The following CPPED1 variants were observed in gnomAD, a reference collection of about 807,000 sequenced individuals.
CPPED1 encodes calcineurin like phosphoesterase domain containing 1, also known as serine/threonine-protein phosphatase CPPED1.
A neutral mutation model predicts 28.0 loss-of-function variants in CPPED1; 28 were observed. The ratio of observed to expected loss-of-function variants is 1.00; its 90% CI spans 0.74 to 1.37. The LOEUF (loss-of-function observed/expected upper bound fraction) is 1.37. Among genes scored for constraint, CPPED1 ranks in the 40% most tolerant of loss-of-function variants. The pLI, the probability that CPPED1 is intolerant of heterozygous loss-of-function variation, is 0.00. For synonymous variants in CPPED1, 198 were observed against 180.2 expected, an observed-to-expected ratio of 1.10 and a Z score of -0.79; for missense variants, 504 against 416.5, an observed-to-expected ratio of 1.21 and a Z score of -1.83.
At chr16:12,724,679 C>A (rs761004600) in intron 2 of CPPED1, among the ~76,000 whole-genome samples, 42 of 152,222 alleles carry the variant, frequency 2.8e-4, no homozygotes, top group Non-Finnish European at 1.8e-4. Context: ...AAGACTAATT[C>A]TGCAACAGAA....
rs114024579 is a variant in CPPED1, at chr16:12,714,147, G to C, written c.290-9098C>G. 3.5e-3 allele frequency among the ~76,000 whole-genome samples: 539 copies of C among 152,244 alleles called. 4 individuals carry two copies. The highest frequency in any genetic ancestry group is 0.012 in the African/African-American group (512 of 41,538). ...ATTGCTGAATACTATTCTACTGTAT[G>C]AATATATCATCATATTTTGTTTATC... On this transcript the variant is annotated intron_variant, in intron 2 of 3. Transcript: ENST00000381774.
intron 1 of CPPED1, among the ~76,000 whole-genome samples, chr16:12,784,428 G>A (rs994424748): frequency 3.3e-5 from 5 of 151,966 alleles, no homozygotes; most frequent in African/African-American, 9.7e-5. Context: ...ATACATATTT[G>A]CTTTTTAAGC....
At position 12,782,560 on chromosome 16, in the gene CPPED1, T is replaced by C. The variant is rs113262752; in HGVS notation, c.71-1157A>G. Reference sequence around the variant, plus strand: ...ACCTTGAGGCTGTTTTTTTTTTTTTTTTCATAATTTAATGTATGGCCAGGT... The same window carrying C: ...ACCTTGAGGCTGTTTTTTTTTTTTTCTTCATAATTTAATGTATGGCCAGGT... On this transcript the variant is annotated intron_variant, in intron 1 of 3. Coordinates refer to ENST00000381774, the MANE Select transcript of CPPED1 (RefSeq NM_018340.3). 9.2e-3 allele frequency among the ~76,000 whole-genome samples: 1,386 copies of C among 151,330 alleles called. 17 individuals carry two copies. The highest frequency in any genetic ancestry group is 0.032 in the African/African-American group (1,325 of 41,282).
At chr16:12,714,809 TTATC>T (rs2080098776) in intron 2 of CPPED1, among the ~76,000 whole-genome samples, 1 of 152,190 alleles carries the variant, frequency 6.6e-6, no homozygotes, top group Non-Finnish European at 1.5e-5. Flanking sequence ...AAAGTCCAAT[TTATC>T]TATTTTCTGT....
At chr16:12,694,731 T>TGG (rs778479471) in intron 3 of CPPED1, among the ~76,000 whole-genome samples, 1,570 of 49,084 alleles carry the variant, frequency 0.032, 74 homozygotes, top group East Asian at 0.14. Flanking sequence ...TAAAAAAAGG[T>TGG]GGGGGGGGGG....
chr16:12,700,112 G>A (rs773559659), intron 3 of CPPED1, among the ~76,000 whole-genome samples: 8 of 152,180 alleles, frequency 5.3e-5, no homozygotes, highest in Non-Finnish European at 1.0e-4. Flanking sequence ...AGGTCATTCA[G>A]CAAAAGGCCT....
At chr16:12,681,990 T>G (rs757188961) in intron 3 of CPPED1, among the ~76,000 whole-genome samples, 1 of 152,122 alleles carries the variant, frequency 6.6e-6, no homozygotes, top group Non-Finnish European at 1.5e-5. Context: ...TTCCCTATCC[T>G]GGACTCGAGG....
intron 2 of CPPED1, among the ~76,000 whole-genome samples, chr16:12,717,500 G>C (rs942972439): frequency 1.3e-5 from 2 of 152,084 alleles, no homozygotes; most frequent in Non-Finnish European, 2.9e-5. Flanking sequence ...TCCTGACCTC[G>C]TGACCTGCCT....
At chr16:12,736,205 T>C (rs1292922348) in intron 2 of CPPED1, among the ~76,000 whole-genome samples, 2 of 151,856 alleles carry the variant, frequency 1.3e-5, no homozygotes, top group African/African-American at 4.8e-5. Context: ...CAAGTATTAC[T>C]AAACTCCATC....
intron 2 of CPPED1, among the ~76,000 whole-genome samples, chr16:12,744,270 AAG>A (rs112990748): frequency 7.2e-4 from 101 of 139,960 alleles, no homozygotes; most frequent in African/African-American, 2.0e-3. Context: ...GACTCTGTGA[AAG>A]AGAGAGAGAG....
chr16:12,678,364 A>C (rs2079888376), intron 3 of CPPED1, among the ~76,000 whole-genome samples: 1 of 152,222 alleles, frequency 6.6e-6, no homozygotes. Context: ...GATCTAATTC[A>C]ACTGTTTTGG....
In CPPED1 at chr16:12,776,967, C is replaced by T. The variant is rs78626375; in HGVS notation, c.289+4218G>A. Among the ~76,000 whole-genome samples, 463 of 152,244 alleles carry T rather than the reference C, an allele frequency of 3.0e-3. 21 individuals are homozygous for T. The East Asian group carries it at 0.084, about 28-fold the overall frequency. On this transcript the variant is annotated intron_variant, in intron 2 of 3. Coordinates refer to ENST00000381774, the MANE Select transcript of CPPED1 (RefSeq NM_018340.3). ...CATCTGCCATGATTGTGAGGTCTCTCCAGCCACGTGGAACTGTGAGGCAAT... is the reference window on the plus strand; with the variant it reads ...CATCTGCCATGATTGTGAGGTCTCTTCAGCCACGTGGAACTGTGAGGCAAT...
intron 2 of CPPED1, among the ~76,000 whole-genome samples, chr16:12,711,455 C>T (rs901222996): frequency 5.9e-5 from 9 of 152,270 alleles, no homozygotes; most frequent in Middle Eastern, 3.4e-3. Flanking sequence ...TGCCACTGAA[C>T]GGTACACTTA....
intron 2 of CPPED1, among the ~76,000 whole-genome samples, chr16:12,762,864 C>T (rs2080417372): frequency 6.6e-6 from 1 of 152,074 alleles, no homozygotes; most frequent in African/African-American, 2.4e-5. Context: ...CCACCTCAGC[C>T]TCCCAAGTGG....
chr16:12,684,878 T>C (rs950587993), intron 3 of CPPED1, among the ~76,000 whole-genome samples: 9 of 152,190 alleles, frequency 5.9e-5, no homozygotes, highest in African/African-American at 2.2e-4. Flanking sequence ...ATGAAACTTG[T>C]GGCAACTCAG....
intron 2 of CPPED1, among the ~76,000 whole-genome samples, chr16:12,747,777 G>C (rs1365796469): frequency 1.3e-5 from 2 of 152,142 alleles, no homozygotes; most frequent in African/African-American, 4.8e-5. Flanking sequence ...AGTTTCACAG[G>C]TATATACATA....
intron 2 of CPPED1, among the ~76,000 whole-genome samples, chr16:12,724,373 G>A (rs964378422): frequency 2.0e-5 from 3 of 152,064 alleles, no homozygotes; most frequent in Non-Finnish European, 4.4e-5. Flanking sequence ...TCCTTCTCCC[G>A]GGGCTACAGC....
chr16:12,705,308 G>A (rs1388656844), intron 2 of CPPED1, among the ~76,000 whole-genome samples: 1 of 152,194 alleles, frequency 6.6e-6, no homozygotes, highest in Non-Finnish European at 1.5e-5. Context: ...CTGAGTGATG[G>A]TGTGAAGTCA....
At chr16:12,798,754 C>T (rs761563745) in intron 1 of CPPED1, among the ~76,000 whole-genome samples, 10 of 152,206 alleles carry the variant, frequency 6.6e-5, no homozygotes, top group Non-Finnish European at 1.3e-4. Context: ...TTTAGGATTT[C>T]TTCAAAACAG....
Sources: gnomAD v4.1 joint callset for allele counts (sites outside exome capture counted in the v4.1 genomes callset) on GRCh38, gnomAD v4.1.1 for gene constraint, MANE v1.5 for transcripts, NCBI Gene and HGNC (gene_info 2026-07-23, HGNC 2026-07-21) for gene names.